Variants in NOP14 observed in about 807,000 individuals in gnomAD.
NOP14 encodes nucleolar protein 14.
NOP14 carries 57 observed loss-of-function variants against 101.6 expected under a neutral mutation model. The observed-to-expected ratio is 0.56, with a 90% CI of 0.45 to 0.70. The LOEUF (loss-of-function observed/expected upper bound fraction) is 0.70, where lower values mean the gene tolerates loss of function less well. Ranked by LOEUF, NOP14 falls within the 30% of genes least tolerant of loss-of-function variation. The pLI is 0.00. For missense variants in NOP14, 1,134 were observed against 1,075.5 expected (o/e 1.05, Z -0.76); for synonymous variants, 428 against 424.0 (o/e 1.01, Z -0.12).
chr4:2,943,430 C>A (rs758288737), intron 13 of NOP14, among the ~76,000 whole-genome samples: 16 of 152,232 alleles, frequency 1.1e-4, no homozygotes, highest in South Asian at 4.1e-4. Flanking sequence ...AGCTCCTCAC[C>A]CCCCAGAGGG....
rs750996942 is a variant in NOP14 at position 2,950,022 on chromosome 4, C to T, written c.1194G>A (p.Glu398=). Residue 398 remains glutamate (E), a synonymous_variant, in exon 8 of 18, where the codon GAG becomes GAA. Coordinates refer to ENST00000416614, the MANE Select transcript of NOP14 (RefSeq NM_001291978.2). ...SEEENEKPAK[E]QRQTPGKGLI... is the part of the protein sequence containing the mutation. ...ACCCTTTCCCAGGAGTCTGCCTCTG[C>T]TCTTTTGCTGGCTTCTCGTTTTCTT... 1 of 1,614,198 alleles carries T rather than the reference C, an allele frequency of 6.2e-7. No individual in the cohort carries two copies. The highest frequency in any genetic ancestry group is 8.5e-7 in the Non-Finnish European group (1 of 1,180,038).
chr4:2,945,207 C>G lies in NOP14; in HGVS notation c.1658G>C (p.Gly553Ala), dbSNP rs756419330. 1 of 1,576,696 alleles carries G rather than the reference C, an allele frequency of 6.3e-7. No homozygotes were observed. Among genetic ancestry groups the G allele is most frequent in the East Asian group, 2.3e-5 (1 of 43,504 alleles). ...GAAGTCGGAAGTTGGAAATAGCAGC[C>G]CAGTGATTTTCAAATAAATGAGCTG... is the stretch of plus-strand genomic sequence containing the variant. Reference protein sequence around the residue: ...LDVLIYLKITGLLFPTSDFWH... With the variant: ...LDVLIYLKITALLFPTSDFWH... The change falls in exon 12 of 18, where the codon GGG becomes GCG. Residue 553 changes from glycine (G) to alanine (A), a missense_variant. Transcript: ENST00000416614.
chr4:2,956,736 C>A lies in NOP14; in HGVS notation c.406G>T (p.Asp136Tyr). Reference protein sequence around the residue: ...ELTHYGQSLADIEKHNDIVDS... With the variant: ...ELTHYGQSLAYIEKHNDIVDS... ...ACAATGTCATTATGCTTCTCGATGT[C>A]TGCCAAAGACTGGCCATAATGAGTC... The change falls in exon 3 of 18, where the codon GAC becomes TAC. Residue 136 changes from aspartate to tyrosine, a missense_variant. Physicochemically the swap from Asp to Tyr is radical, Grantham distance 160. Coordinates refer to ENST00000416614, the MANE Select transcript of NOP14 (RefSeq NM_001291978.2). 6.2e-7 allele frequency: 1 copy of A among 1,613,536 alleles called. No individual in the cohort carries two copies. Among genetic ancestry groups the A allele is most frequent in the Non-Finnish European group, 8.5e-7 (1 of 1,179,828 alleles).
At position 2,941,685 on chromosome 4, in the gene NOP14, A is replaced by G; in HGVS notation, c.2096T>C (p.Val699Ala). 1 of 1,613,240 alleles carries G rather than the reference A, an allele frequency of 6.2e-7. No individual in the cohort carries two copies. The highest frequency in any genetic ancestry group is 8.5e-7 in the Non-Finnish European group (1 of 1,179,880). ...GGATGGCAGGGACCCGTACATGAGC[A>G]CGCAGCGCTTCAGCAGGGCCAGGCC... ...AVGLALLKRC[V>A]LMYGSLPSFH... is the part of the protein sequence containing the mutation. Residue 699 changes from valine to alanine, a missense_variant, in exon 15 of 18, where the codon GTG becomes GCG. Coordinates refer to ENST00000416614, the MANE Select transcript of NOP14 (RefSeq NM_001291978.2).
chr4:2,961,532 T>C (rs1715901333), intron 1 of NOP14: 1 of 152,190 alleles, frequency 6.6e-6, no homozygotes, highest in South Asian at 2.1e-4. Flanking sequence ...CCAGGCCTCC[T>C]GCGCCGGCCT....
rs1222652845 is a variant in NOP14, at chr4:2,961,117, T to TTAATATAC, written c.195+2007_195+2008insGTATATTA. On this transcript the variant is annotated intron_variant, in intron 1 of 17. Coordinates refer to ENST00000416614, the MANE Select transcript of NOP14 (RefSeq NM_001291978.2). ...AATATATTAATATTTTAATAATATA[T>TTAATATAC]TAATATTATAATAATATATTAATAT... is the stretch of plus-strand genomic sequence containing the variant. 1.0e-4 allele frequency among the ~76,000 whole-genome samples: 8 copies of TTAATATAC among 79,072 alleles called. No homozygotes were observed. The East Asian group carries it at 1.0e-3, about 10-fold the overall frequency. 51.9% of individuals were successfully genotyped at this position (79,072 alleles called of 152,430 possible).
intron 15 of NOP14, 132 bp downstream of exon 15, chr4:2,941,450 A>C: frequency 1.3e-6 from 1 of 789,606 alleles, no homozygotes; most frequent in Non-Finnish European, 2.0e-6. Context: ...ACTTCCCTTC[A>C]TATTTGTGAT....
chr4:2,952,470 G>C, intron 5 of NOP14, 73 bp from the exon 6 acceptor site: 1 of 1,360,604 alleles, frequency 7.3e-7, no homozygotes, highest in Non-Finnish European at 9.8e-7. Flanking sequence ...AAAAGATCTA[G>C]CTTCCTGGCA....
chr4:2,938,735 TG>T lies in NOP14; in HGVS notation c.*95del. On this transcript the variant is annotated 3_prime_UTR_variant, in exon 18 of 18. Coordinates refer to ENST00000416614, the MANE Select transcript of NOP14 (RefSeq NM_001291978.2). ...GTTGCCCAGGCTGGTCTCGAACTCC[TG>T]GGCTGAAGCAATCTTCCTGCCTTGG... is the stretch of plus-strand genomic sequence containing the variant. 1 of 1,006,614 alleles carries T rather than the reference TG, an allele frequency of 9.9e-7. No homozygotes were observed. The highest frequency in any genetic ancestry group is 1.5e-6 in the Non-Finnish European group (1 of 661,232). The allele number at this position is 1,006,614 out of a possible 1,614,324, so 62.4% of individuals were successfully genotyped here. A position where few individuals can be genotyped will look rare whatever the true frequency, so the allele number is the denominator to read the frequency against.
intron 1 of NOP14, among the ~76,000 whole-genome samples, chr4:2,961,199 TATA>T (rs1410285446): frequency 0.05 from 48 of 968 alleles, 1 homozygote; most frequent in Admixed American, 0.15. Flanking sequence ...ATGCTAATAT[TATA>T]ATAATATATT....
At chr4:2,961,700 A>G (rs1715937157) in intron 1 of NOP14, 1 of 152,300 alleles carries the variant, frequency 6.6e-6, no homozygotes, top group African/African-American at 2.4e-5. Context: ...CTCCCCTTGC[A>G]AAACTTGACT....
chr4:2,956,905 T>G (rs924978968), intron 2 of NOP14, 94 bp from the exon 3 acceptor site: 2 of 1,116,164 alleles, frequency 1.8e-6, no homozygotes, highest in East Asian at 2.6e-5. Context: ...TCCATTATAT[T>G]TGAAATATGA....
At chr4:2,954,306 T>C in intron 4 of NOP14, 118 bp downstream of exon 4, 8 of 1,150,156 alleles carry the variant, frequency 7.0e-6, no homozygotes, top group Non-Finnish European at 9.9e-6. Flanking sequence ...ATGCTTTTAC[T>C]GAACTCATAT....
rs1187682355 is a variant in NOP14, at chr4:2,942,355, A to C, written c.1892-4T>G. 1 of 1,612,718 alleles carries C rather than the reference A, an allele frequency of 6.2e-7. No individual in the cohort carries two copies. Among genetic ancestry groups the C allele is most frequent in the Non-Finnish European group, 8.5e-7 (1 of 1,178,906 alleles). On this transcript the variant is annotated splice_polypyrimidine_tract_variant and splice_region_variant and intron_variant, in intron 13 of 17. Coordinates refer to ENST00000416614, the MANE Select transcript of NOP14 (RefSeq NM_001291978.2). Reference sequence around the variant, plus strand: ...AAAGGGTGCACCAGAGTGGAACCTGAATTCCAAGTGCGACAGGACAGAGAT... The same window carrying C: ...AAAGGGTGCACCAGAGTGGAACCTGCATTCCAAGTGCGACAGGACAGAGAT...
chr4:2,958,636 C>G (rs1279910582), intron 1 of NOP14, among the ~76,000 whole-genome samples: 1 of 152,202 alleles, frequency 6.6e-6, no homozygotes. Flanking sequence ...TCTCATCTAA[C>G]CCGACTTAAG....
At chr4:2,955,024 T>A in intron 3 of NOP14, among the ~76,000 whole-genome samples, 1 of 136,696 alleles carries the variant, frequency 7.3e-6, no homozygotes. Flanking sequence ...CCCCCTCTAG[T>A]CACCTCCACG....
At position 2,951,152 on chromosome 4, in the gene NOP14, C is replaced by G. The variant is rs202023565; in HGVS notation, c.964G>C (p.Val322Leu). 198 of 1,613,928 alleles carry G rather than the reference C, an allele frequency of 1.2e-4. No homozygotes were observed. Among genetic ancestry groups the G allele is most frequent in the Middle Eastern group, 1.2e-3 (7 of 6,062 alleles). ...AAACGCCTGTCATCTTTATCTAGCA[C>G]GAAGCCATCATTCAGATCATCTGCT... is the stretch of plus-strand genomic sequence containing the variant. ...MSADDLNDGFVLDKDDRRLLS... is the reference protein window; with the variant it reads ...MSADDLNDGFLLDKDDRRLLS... The change falls in exon 7 of 18, where the codon GTG becomes CTG. Residue 322 changes from valine (V) to leucine (L), a missense_variant. Physicochemically the swap from Val to Leu is conservative, Grantham distance 32. Transcript: ENST00000416614.
intron 16 of NOP14, 65 bp from the exon 17 acceptor site, chr4:2,939,408 T>A: frequency 6.2e-7 from 1 of 1,609,078 alleles, no homozygotes; most frequent in Non-Finnish European, 8.5e-7. Context: ...CAGAGCCTGC[T>A]TGGGAGTGTG....
At position 2,952,391 on chromosome 4, in the gene NOP14, C is replaced by T. The variant is rs761604267; in HGVS notation, c.754G>A (p.Ala252Thr). ...RDKKEKPKPDAYDMMVRELGF... is the reference protein window; with the variant it reads ...RDKKEKPKPDTYDMMVRELGF... ...AGCTCGCGAACCATCATGTCATATG[C>T]ATCGGGCTAAGGTAGAAAGAAGAAA... The change falls in exon 6 of 18, where the codon GCA becomes ACA. Residue 252 changes from alanine (A) to threonine (T), a missense_variant. Transcript: ENST00000416614. 6.2e-7 allele frequency: 1 copy of T among 1,609,696 alleles called. No individual in the cohort carries two copies. The highest frequency in any genetic ancestry group is 2.2e-5 in the East Asian group (1 of 44,752).
Sources: gnomAD v4.1 joint callset for allele counts (sites outside exome capture counted in the v4.1 genomes callset) on GRCh38, gnomAD v4.1.1 for gene constraint, MANE v1.5 for transcripts, NCBI Gene and HGNC (gene_info 2026-07-23, HGNC 2026-07-21) for gene names.